Variants in CELF2 observed in about 807,000 individuals in gnomAD.
CELF2 encodes the protein CUG triplet repeat RNA-binding protein 2.
Under a neutral mutation model 62.6 loss-of-function variants are expected in CELF2, and 8 were observed. The ratio of observed to expected loss-of-function variants is 0.13; its 90% confidence interval spans 0.07 to 0.23. The LOEUF (loss-of-function observed/expected upper bound fraction) is 0.23. CELF2 is among the 10% of genes least tolerant of loss of function. CELF2 has a pLI of 1.00. For synonymous variants in CELF2, 258 were observed against 250.0 expected, an observed-to-expected ratio of 1.03 and a Z score of -0.30; for missense variants, 333 against 671.0, an observed-to-expected ratio of 0.50 and a Z score of 5.56.
At chr10:11,142,867 C>A (rs1271793965) in intron 1 of CELF2, among the ~76,000 whole-genome samples, 4 of 152,138 alleles carry the variant, frequency 2.6e-5, no homozygotes, top group African/African-American at 9.7e-5. Context: ...TCTGTCCTCC[C>A]TCCACTGGGG....
chr10:10,543,528 C>T, the CELF2 span, among the ~76,000 whole-genome samples: 1 of 152,080 alleles, frequency 6.6e-6, no homozygotes, highest in Non-Finnish European at 1.5e-5. Context: ...TGGCTGTGCA[C>T]CAGCTCTGTG....
the CELF2 span, among the ~76,000 whole-genome samples, chr10:10,698,652 A>G: frequency 3.5e-4 from 54 of 152,318 alleles, no homozygotes; most frequent in South Asian, 3.7e-3. Flanking sequence ...ACTACTTCCC[A>G]GCTGACTTCT....
chr10:10,813,328 C>T (rs1254584791), intron 1 of CELF2, among the ~76,000 whole-genome samples: 1 of 152,180 alleles, frequency 6.6e-6, no homozygotes, highest in Non-Finnish European at 1.5e-5. Flanking sequence ...TTCTGTTAAC[C>T]ATGCTGTAGA....
chr10:10,921,879 T>C (rs2064956740), intron 2 of CELF2, among the ~76,000 whole-genome samples: 1 of 152,208 alleles, frequency 6.6e-6, no homozygotes, highest in Non-Finnish European at 1.5e-5. Context: ...TTGAAGGTAC[T>C]CGATAATCAT....
intron 9 of CELF2, among the ~76,000 whole-genome samples, chr10:11,301,854 G>C (rs1482069666): frequency 1.3e-5 from 2 of 152,068 alleles, no homozygotes; most frequent in African/African-American, 4.8e-5. Context: ...AGGAGCCCCA[G>C]TTAGGCCGCG....
the CELF2 span, among the ~76,000 whole-genome samples, chr10:10,637,972 A>G: frequency 6.6e-6 from 1 of 152,220 alleles, no homozygotes; most frequent in Non-Finnish European, 1.5e-5. Flanking sequence ...GTTATTATAT[A>G]TGGATATATA....
chr10:10,568,242 T>C, the CELF2 span, among the ~76,000 whole-genome samples: 1 of 151,622 alleles, frequency 6.6e-6, no homozygotes, highest in South Asian at 2.1e-4. Flanking sequence ...TCCAAAAAGA[T>C]ACTTGATATG....
At chr10:11,216,713 T>C (rs1436458912) in intron 2 of CELF2, among the ~76,000 whole-genome samples, 2 of 152,214 alleles carry the variant, frequency 1.3e-5, no homozygotes, top group Non-Finnish European at 2.9e-5. Flanking sequence ...GGCCGGGGAC[T>C]CCCACAGGCT....
At chr10:10,735,100 G>A in the CELF2 span, among the ~76,000 whole-genome samples, 5 of 152,120 alleles carry the variant, frequency 3.3e-5, no homozygotes, top group African/African-American at 9.7e-5. Context: ...TTGAAAGGAC[G>A]GTGTGGATTT....
At chr10:10,882,742 A>C (rs754967862) in intron 1 of CELF2, among the ~76,000 whole-genome samples, 1 of 152,162 alleles carries the variant, frequency 6.6e-6, no homozygotes, top group Non-Finnish European at 1.5e-5. Context: ...TTGATAAATA[A>C]AGTGCATTTT....
chr10:11,085,146 T>TC lies in CELF2; in HGVS notation c.74+66988dup, dbSNP rs765077335. 5.9e-5 allele frequency among the ~76,000 whole-genome samples: 9 copies of TC among 152,212 alleles called. No individual in the cohort carries two copies. The East Asian group carries it at 1.5e-3, about 26-fold the overall frequency. On this transcript the variant is annotated intron_variant, in intron 1 of 12. Transcript: ENST00000633077. ...TTATATTTAATCATCATGCTGTTCT[T>TC]CCCCCTAAGTTAACAAAAAGAAGAA...
chr10:10,572,255 G>T, the CELF2 span, among the ~76,000 whole-genome samples: 2 of 151,398 alleles, frequency 1.3e-5, no homozygotes, highest in South Asian at 4.2e-4. Flanking sequence ...GAGGTCCCTT[G>T]TTCTTTCTGG....
chr10:10,849,545 G>C (rs556356042), intron 1 of CELF2, among the ~76,000 whole-genome samples: 3 of 152,110 alleles, frequency 2.0e-5, no homozygotes, highest in Non-Finnish European at 4.4e-5. Context: ...TGAATCATTT[G>C]AGACTGAGTT....
the CELF2 span, among the ~76,000 whole-genome samples, chr10:10,668,992 A>T: frequency 6.6e-6 from 1 of 152,306 alleles, no homozygotes; most frequent in African/African-American, 2.4e-5. Flanking sequence ...ATACAAAAAA[A>T]ATCTAGTTAC....
At chr10:11,245,682 T>A (rs2075378691) in intron 3 of CELF2, among the ~76,000 whole-genome samples, 1 of 152,210 alleles carries the variant, frequency 6.6e-6, no homozygotes, top group Admixed American at 6.5e-5. Context: ...GCACGAATGC[T>A]AAGGGTGCAG....
At position 10,990,686 on chromosome 10, in the gene CELF2, A is replaced by G. The variant is rs887884483; in HGVS notation, c.89+70687A>G. Among the ~76,000 whole-genome samples, 68 of 152,328 alleles carry G rather than the reference A, an allele frequency of 4.5e-4. No individual in the cohort carries two copies. The highest frequency in any genetic ancestry group is 1.6e-3 in the African/African-American group (65 of 41,576). ...ATGCTAAATAAAGGCTAAAAAAGAT[A>G]ATGATCTTCCAGAGATTTGTAGATA... On this transcript the variant is annotated intron_variant, in intron 2 of 13. Coordinates refer to the CELF2 transcript ENST00000636488. This position sits in a 1 kb window ranked among gnomAD's most constrained non-coding sequence, Gnocchi z 4.6.
At chr10:10,687,661 T>G in the CELF2 span, among the ~76,000 whole-genome samples, 2 of 152,118 alleles carry the variant, frequency 1.3e-5, no homozygotes, top group African/African-American at 4.8e-5. Context: ...TACTAATGAG[T>G]TTTTCTTTAT....
chr10:10,650,562 G>A, the CELF2 span, among the ~76,000 whole-genome samples: 10 of 152,066 alleles, frequency 6.6e-5, no homozygotes, highest in African/African-American at 2.4e-4. Flanking sequence ...ATTAACAAGA[G>A]AATGAATTTT....
intron 1 of CELF2, among the ~76,000 whole-genome samples, chr10:10,911,065 C>G (rs2063768894): frequency 6.6e-6 from 1 of 152,198 alleles, no homozygotes; most frequent in African/African-American, 2.4e-5. Context: ...ATGCCACTAG[C>G]AGTGTCCAAG....
Sources: gnomAD v4.1 joint callset for allele counts (sites outside exome capture counted in the v4.1 genomes callset) on GRCh38, gnomAD v4.1.1 for gene constraint, Gnocchi (gnomAD v3.1) non-coding constraint, MANE v1.5 for transcripts, NCBI Gene and HGNC (gene_info 2026-07-23, HGNC 2026-07-21) for gene names.